Variants in CAMTA1 observed in about 807,000 individuals in gnomAD.
CAMTA1 encodes the protein calmodulin-binding transcription activator 1.
A neutral mutation model predicts 170.9 loss-of-function variants in CAMTA1; 27 were observed. The ratio of observed to expected loss-of-function variants is 0.16; its 90% CI spans 0.12 to 0.22. The LOEUF (loss-of-function observed/expected upper bound fraction) is 0.22, where lower values mean the gene tolerates loss of function less well. Among genes scored for constraint, CAMTA1 ranks in the 10% least tolerant of loss-of-function variants. CAMTA1 has a pLI of 1.00. For missense variants in CAMTA1, 1,619 were observed against 2,217.2 expected (o/e 0.73, Z 5.42); for synonymous variants, 833 against 891.5 (o/e 0.93, Z 1.17).
intron 3 of CAMTA1, among the ~76,000 whole-genome samples, chr1:6,982,113 G>A (rs1052348635): frequency 6.6e-6 from 1 of 152,224 alleles, no homozygotes. Context: ...GCTGCACAGT[G>A]TTAGGAAGCG....
intron 4 of CAMTA1, among the ~76,000 whole-genome samples, chr1:7,200,971 TG>T (rs1656570931): frequency 6.6e-6 from 1 of 152,208 alleles, no homozygotes; most frequent in Non-Finnish European, 1.5e-5. Flanking sequence ...TTCACATAAA[TG>T]TGCCCCCATT....
chr1:7,475,793 G>C (rs1172213968), intron 6 of CAMTA1, among the ~76,000 whole-genome samples: 1 of 152,222 alleles, frequency 6.6e-6, no homozygotes, highest in Non-Finnish European at 1.5e-5. Flanking sequence ...AGAAACTGAG[G>C]GTCAGGAAGA....
intron 6 of CAMTA1, among the ~76,000 whole-genome samples, chr1:7,492,543 G>A (rs58866883): frequency 0.3 from 45,938 of 151,746 alleles, 10,067 homozygotes; most frequent in East Asian, 0.66. Flanking sequence ...CACTGTGAGG[G>A]CTTGAACACA....
intron 3 of CAMTA1, among the ~76,000 whole-genome samples, chr1:6,883,850 A>G (rs535610230): frequency 6.6e-6 from 1 of 152,254 alleles, no homozygotes; most frequent in South Asian, 2.1e-4. Context: ...AATAAAGGAA[A>G]CTAATTTTAA....
chr1:7,338,129 G>T (rs367621427), intron 5 of CAMTA1, among the ~76,000 whole-genome samples: 2 of 151,644 alleles, frequency 1.3e-5, no homozygotes, highest in Admixed American at 6.6e-5. Context: ...AGAGATGGAG[G>T]TGCCACTTCC....
chr1:7,755,855 T>A (rs1478584180), intron 22 of CAMTA1, among the ~76,000 whole-genome samples, 187 bp downstream of exon 22: 1 of 152,174 alleles, frequency 6.6e-6, no homozygotes, highest in African/African-American at 2.4e-5. Flanking sequence ...AGGAGAACAG[T>A]CACATACATT....
intron 3 of CAMTA1, among the ~76,000 whole-genome samples, chr1:6,898,618 T>TA (rs377534322): frequency 3.9e-5 from 6 of 152,152 alleles, no homozygotes; most frequent in African/African-American, 1.4e-4. Flanking sequence ...TTATAGTTCA[T>TA]AGAGTGTGAG....
chr1:7,540,594 C>A (rs1041995745), intron 6 of CAMTA1, among the ~76,000 whole-genome samples: 1 of 152,200 alleles, frequency 6.6e-6, no homozygotes, highest in Non-Finnish European at 1.5e-5. Context: ...GTGCACATTC[C>A]TCTTTGCACG....
intron 3 of CAMTA1, among the ~76,000 whole-genome samples, chr1:7,000,911 T>C (rs1230780256): frequency 6.6e-6 from 1 of 152,294 alleles, no homozygotes; most frequent in East Asian, 1.9e-4. Context: ...AGGTGACAGG[T>C]CCCATTGCTC....
intron 5 of CAMTA1, among the ~76,000 whole-genome samples, chr1:7,420,422 C>A (rs1022698921): frequency 2.7e-4 from 41 of 152,158 alleles, no homozygotes; most frequent in African/African-American, 9.4e-4. Context: ...TAGAGTGGAG[C>A]TTCGTGGGGC....
chr1:7,217,692 T>G (rs1316612164), intron 4 of CAMTA1, among the ~76,000 whole-genome samples: 2 of 152,158 alleles, frequency 1.3e-5, no homozygotes, highest in African/African-American at 4.8e-5. Flanking sequence ...CCTTTAAAAA[T>G]CCCTTTAGTC....
At chr1:7,231,373 G>GAC (rs59255843) in intron 4 of CAMTA1, among the ~76,000 whole-genome samples, 1 of 149,680 alleles carries the variant, frequency 6.7e-6, no homozygotes. Context: ...GAGAGAGAGA[G>GAC]GTTTTATTTT....
At chr1:6,957,839 G>T (rs1689720024) in intron 3 of CAMTA1, among the ~76,000 whole-genome samples, 1 of 152,224 alleles carries the variant, frequency 6.6e-6, no homozygotes, top group East Asian at 1.9e-4. Flanking sequence ...CCACAGGCAG[G>T]TGGAGAGTAG....
chr1:7,701,656 G>A (rs940913968), intron 11 of CAMTA1, among the ~76,000 whole-genome samples: 2 of 152,096 alleles, frequency 1.3e-5, no homozygotes, highest in Non-Finnish European at 2.9e-5. Flanking sequence ...CTGGGTTCCA[G>A]TGATCCTCCT....
At chr1:7,556,417 G>A (rs187827742) in intron 6 of CAMTA1, among the ~76,000 whole-genome samples, 1 of 152,292 alleles carries the variant, frequency 6.6e-6, no homozygotes, top group South Asian at 2.1e-4. Flanking sequence ...AAATAAAATG[G>A]CATGACGACT....
At chr1:7,573,349 G>A (rs1290155612) in intron 6 of CAMTA1, among the ~76,000 whole-genome samples, 1 of 152,216 alleles carries the variant, frequency 6.6e-6, no homozygotes, top group African/African-American at 2.4e-5. Context: ...AGGCTTTGGA[G>A]AGTGAACTGC....
At chr1:6,994,758 C>T (rs955005298) in intron 3 of CAMTA1, among the ~76,000 whole-genome samples, 1 of 152,096 alleles carries the variant, frequency 6.6e-6, no homozygotes, top group African/African-American at 2.4e-5. Context: ...ACCTCCACCT[C>T]CCAGGCTCAA....
rs535045739 is a variant in CAMTA1, at chr1:7,635,396, G to A, written c.511-5004G>A. On this transcript the variant is annotated intron_variant, in intron 6 of 22. Transcript: ENST00000303635. The surrounding 1 kb of genome is among the most constrained non-coding windows in gnomAD (Gnocchi z 4.4). ...GCCGAGGCAGGCAGATCACGAGATC[G>A]GGACACCGAGACTATCCTGGCTAAC... is the stretch of plus-strand genomic sequence containing the variant. Among the ~76,000 whole-genome samples, 6 of 151,906 alleles carry A rather than the reference G, an allele frequency of 3.9e-5. No individual in the cohort carries two copies. Among genetic ancestry groups the A allele is most frequent in the East Asian group, 1.9e-4 (1 of 5,130 alleles).
At chr1:7,661,352 C>T (rs1320101897) in intron 7 of CAMTA1, among the ~76,000 whole-genome samples, 1 of 152,226 alleles carries the variant, frequency 6.6e-6, no homozygotes, top group Non-Finnish European at 1.5e-5. Context: ...CTGGGAAGTC[C>T]CTCAGCCTCC....
Sources: gnomAD v4.1 joint callset for allele counts (sites outside exome capture counted in the v4.1 genomes callset) on GRCh38, gnomAD v4.1.1 for gene constraint, Gnocchi (gnomAD v3.1) non-coding constraint, MANE v1.5 for transcripts, NCBI Gene and HGNC (gene_info 2026-07-23, HGNC 2026-07-21) for gene names.